Variants in ZNF565 observed in about 807,000 individuals in gnomAD.
ZNF565 encodes the protein zinc finger protein 565.
In ZNF565, 27 loss-of-function variants were observed where a neutral mutation model predicts 39.4. The observed-to-expected ratio is 0.69, with a 90% CI of 0.51 to 0.95. The LOEUF is 0.95. Ranked by LOEUF, ZNF565 falls within the 40% of genes least tolerant of loss-of-function variation. The pLI is 0.00. For missense variants in ZNF565, 524 were observed against 621.1 expected, an observed-to-expected ratio of 0.84 and a Z score of 1.66; for synonymous variants, 185 against 216.6, an observed-to-expected ratio of 0.85 and a Z score of 1.28.
chr19:36,206,607 G>C (rs1311302922), intron 1 of ZNF565, among the ~76,000 whole-genome samples: 3 of 152,160 alleles, frequency 2.0e-5, no homozygotes, highest in Admixed American at 6.6e-5. Context: ...GAGGCACGCG[G>C]ATCACTTGAG....
intron 1 of ZNF565, among the ~76,000 whole-genome samples, chr19:36,222,078 C>G (rs941939060): frequency 2.0e-5 from 3 of 151,086 alleles, no homozygotes; most frequent in African/African-American, 7.2e-5. Flanking sequence ...CACAGGCACA[C>G]TCCACCACAC....
At chr19:36,228,125 A>T (rs906146620) in intron 1 of ZNF565, among the ~76,000 whole-genome samples, 1 of 147,816 alleles carries the variant, frequency 6.8e-6, no homozygotes, top group Non-Finnish European at 1.5e-5. Flanking sequence ...GCACAATTGC[A>T]CTCTAGCCTG....
chr19:36,211,449 TCACACACACACACACACACA>T (rs370230430), intron 1 of ZNF565, among the ~76,000 whole-genome samples: 1 of 137,676 alleles, frequency 7.3e-6, no homozygotes, highest in African/African-American at 2.7e-5. Flanking sequence ...CAACTCTCTC[TCACACACACACACACACACA>T]CACACACACA....
chr19:36,236,780 A>T, intron 1 of ZNF565: 1 of 1,614,124 alleles, frequency 6.2e-7, no homozygotes, highest in Non-Finnish European at 8.5e-7. Flanking sequence ...TCAGAAGTCA[A>T]ACCTCATCAG....
At chr19:36,219,812 C>T (rs539918833) in intron 1 of ZNF565, among the ~76,000 whole-genome samples, 9 of 152,012 alleles carry the variant, frequency 5.9e-5, no homozygotes, top group Admixed American at 2.6e-4. Context: ...GTAGTCTATA[C>T]GTTAAGAGAA....
At chr19:36,210,934 C>A (rs530241872) in intron 1 of ZNF565, among the ~76,000 whole-genome samples, 1 of 151,578 alleles carries the variant, frequency 6.6e-6, no homozygotes, top group Non-Finnish European at 1.5e-5. Flanking sequence ...AATAAAGAGG[C>A]CACATTGAAA....
intron 1 of ZNF565, among the ~76,000 whole-genome samples, chr19:36,221,499 A>C (rs1307051527): frequency 6.6e-6 from 1 of 151,986 alleles, no homozygotes; most frequent in Non-Finnish European, 1.5e-5. Flanking sequence ...CATGTTAGCC[A>C]GGATGATCTT....
intron 2 of ZNF565, 105 bp from the exon 3 acceptor site, chr19:36,195,261 GC>G: frequency 2.9e-6 from 4 of 1,366,694 alleles, no homozygotes; most frequent in South Asian, 1.4e-5. Flanking sequence ...GACAGTAATG[GC>G]CCCCCGATAT....
chr19:36,201,973 A>G lies in ZNF565; in HGVS notation c.9+4T>C, dbSNP rs777423073. 1.8e-5 allele frequency: 29 copies of G among 1,613,782 alleles called. No individual in the cohort carries two copies. In the Admixed American group the frequency reaches 4.7e-4, roughly 26 times the overall value. ...TTCTAAGGATAGAAGGAATTTCAAC[A>G]TACCTGGGCCATGGCTTTTAGAACT... On this transcript the variant is annotated splice_donor_region_variant and intron_variant, in intron 2 of 4. Transcript: ENST00000304116.
chr19:36,195,836 C>T (rs1414983182), intron 2 of ZNF565, among the ~76,000 whole-genome samples: 1 of 146,444 alleles, frequency 6.8e-6, no homozygotes, highest in East Asian at 2.1e-4. Flanking sequence ...GAGCCCCGTG[C>T]CCAGCCCACC....
chr19:36,192,578 T>A (rs1012171790), intron 4 of ZNF565, among the ~76,000 whole-genome samples: 6 of 151,972 alleles, frequency 3.9e-5, no homozygotes, highest in Non-Finnish European at 5.9e-5. Flanking sequence ...CTGTATCTAC[T>A]GAAAATACAA....
intron 1 of ZNF565, among the ~76,000 whole-genome samples, chr19:36,242,922 T>C (rs1019871833): frequency 6.6e-6 from 1 of 152,254 alleles, no homozygotes; most frequent in Non-Finnish European, 1.5e-5. Flanking sequence ...CCCAGTTCTT[T>C]GTATTTCAAA....
At chr19:36,187,496 G>C (rs1317307737) in intron 4 of ZNF565, among the ~76,000 whole-genome samples, 5 of 151,838 alleles carry the variant, frequency 3.3e-5, no homozygotes, top group African/African-American at 1.2e-4. Context: ...CGAGTAGCTG[G>C]GACCACAGGC....
intron 4 of ZNF565, among the ~76,000 whole-genome samples, chr19:36,185,497 C>T (rs559037706): frequency 6.6e-6 from 1 of 151,842 alleles, no homozygotes; most frequent in Non-Finnish European, 1.5e-5. Context: ...TTGTTTTTGT[C>T]ACCACTGTGT....
At chr19:36,244,849 T>TAAAAAAA (rs775546485) in intron 1 of ZNF565, among the ~76,000 whole-genome samples, 1 of 129,224 alleles carries the variant, frequency 7.7e-6, no homozygotes, top group East Asian at 2.3e-4. Flanking sequence ...GACTACGTCT[T>TAAAAAAA]AAAAAAAAAA....
intron 1 of ZNF565, among the ~76,000 whole-genome samples, chr19:36,232,623 T>TC (rs397709162): frequency 6.7e-6 from 1 of 149,130 alleles, no homozygotes; most frequent in African/African-American, 2.5e-5. Flanking sequence ...TTTTTTTTTT[T>TC]CCCGAGACAT....
chr19:36,203,016 C>A (rs994850012), intron 1 of ZNF565, among the ~76,000 whole-genome samples: 1 of 152,076 alleles, frequency 6.6e-6, no homozygotes, highest in Non-Finnish European at 1.5e-5. Context: ...CTCATCTGAG[C>A]CCTCCCTACT....
At chr19:36,218,748 C>T (rs528300217), upstream of ZNF565, among the ~76,000 whole-genome samples, 89 of 151,900 alleles carry the variant, frequency 5.9e-4, no homozygotes, top group Non-Finnish European at 1.0e-3. Flanking sequence ...GCATTACAGG[C>T]GTGAGCCACT....
chr19:36,236,391 A>G (rs763646838), intron 1 of ZNF565: 5 of 1,541,194 alleles, frequency 3.2e-6, no homozygotes, highest in South Asian at 1.3e-5. Context: ...ACTCATCAAG[A>G]AATTTTTACT....
Sources: gnomAD v4.1 joint callset for allele counts (sites outside exome capture counted in the v4.1 genomes callset) on GRCh38, gnomAD v4.1.1 for gene constraint, MANE v1.5 for transcripts, NCBI Gene and HGNC (gene_info 2026-07-23, HGNC 2026-07-21) for gene names.